The following ALK variants were observed in gnomAD, a reference collection of about 807,000 sequenced individuals.
ALK encodes ALK tyrosine kinase receptor.
ALK carries 74 observed loss-of-function variants against 163.1 expected under a neutral mutation model. The observed-to-expected ratio is 0.45, with a 90% CI of 0.38 to 0.55. The LOEUF is 0.55. ALK is among the 20% of genes least tolerant of loss of function. The pLI, the probability that ALK is intolerant of heterozygous loss-of-function variation, is 0.00. For missense variants in ALK, 2,063 were observed against 2,105.3 expected, an observed-to-expected ratio of 0.98 and a Z score of 0.39; for synonymous variants, 960 against 843.2, an observed-to-expected ratio of 1.14 and a Z score of -2.40.
At chr2:29,438,980 G>A (rs372476908) in intron 4 of ALK, among the ~76,000 whole-genome samples, 2 of 152,218 alleles carry the variant, frequency 1.3e-5, no homozygotes, top group South Asian at 4.1e-4. Flanking sequence ...CCCTGCCTGT[G>A]GGACTCCAAG....
chr2:29,785,912 TACACACACACACACACAC>T (rs10524599), intron 1 of ALK, among the ~76,000 whole-genome samples: 26,601 of 145,994 alleles, frequency 0.18, 2,626 homozygotes, highest in East Asian at 0.37. Flanking sequence ...TTTTTGAGTA[TACACACACACACACACAC>T]ACACACACAC....
intron 8 of ALK, among the ~76,000 whole-genome samples, 200 bp from the exon 9 acceptor site, chr2:29,297,257 G>GA (rs1416308090): frequency 2.0e-5 from 3 of 152,158 alleles, no homozygotes; most frequent in Admixed American, 1.3e-4. Context: ...ATAACTGAAC[G>GA]AATCTGTTAA....
intron 1 of ALK, among the ~76,000 whole-genome samples, chr2:29,808,674 G>T (rs765295664): frequency 2.0e-5 from 3 of 152,152 alleles, no homozygotes; most frequent in Non-Finnish European, 2.9e-5. Context: ...GGCCATGAAG[G>T]GTGGTGTCAG....
chr2:29,411,748 T>C (rs1441575379), intron 4 of ALK, among the ~76,000 whole-genome samples: 1 of 152,216 alleles, frequency 6.6e-6, no homozygotes, highest in Non-Finnish European at 1.5e-5. Flanking sequence ...AACAACTCAT[T>C]AGTCAATTCC....
chr2:29,837,517 C>T (rs1338832564), intron 1 of ALK, among the ~76,000 whole-genome samples: 1 of 152,160 alleles, frequency 6.6e-6, no homozygotes, highest in Non-Finnish European at 1.5e-5. Flanking sequence ...CCCATAACTG[C>T]AAGATACTGT....
chr2:29,905,202 T>C lies in ALK; in HGVS notation c.667+14791A>G, dbSNP rs538752937. ...AGGGTCATTTACCACTTCTACTCTA[T>C]TCTGATTTTTCACATTTTCTGTTTT... On this transcript the variant is annotated intron_variant, in intron 1 of 28. Transcript: ENST00000389048. Among the ~76,000 whole-genome samples the C allele has an allele frequency of 4.4e-4, 67 of 152,342 alleles. No homozygotes were observed. In the South Asian group the frequency reaches 6.6e-3, roughly 15 times the overall value.
chr2:29,385,155 A>G (rs1236172769), intron 4 of ALK, among the ~76,000 whole-genome samples: 3 of 149,942 alleles, frequency 2.0e-5, no homozygotes, highest in Non-Finnish European at 4.4e-5. Context: ...GGGCTTTGGT[A>G]TGGCAGTACA....
At chr2:29,782,229 G>T (rs1663841599) in intron 1 of ALK, among the ~76,000 whole-genome samples, 1 of 152,162 alleles carries the variant, frequency 6.6e-6, no homozygotes, top group Non-Finnish European at 1.5e-5. Context: ...GATTAGACAA[G>T]GATTCTCTGG....
intron 1 of ALK, among the ~76,000 whole-genome samples, chr2:29,833,896 T>C (rs1326853312): frequency 1.3e-5 from 2 of 152,168 alleles, no homozygotes; most frequent in Non-Finnish European, 2.9e-5. Context: ...AATTACATGA[T>C]TACTCGAGAT....
chr2:29,259,892 T>A (rs1661562507), intron 11 of ALK, among the ~76,000 whole-genome samples: 1 of 152,062 alleles, frequency 6.6e-6, no homozygotes, highest in African/African-American at 2.4e-5. Context: ...TCATGTATAT[T>A]CTAGTAAAGT....
chr2:29,344,521 G>A (rs1667891529), intron 5 of ALK, among the ~76,000 whole-genome samples: 1 of 152,132 alleles, frequency 6.6e-6, no homozygotes, highest in Admixed American at 6.5e-5. Flanking sequence ...AGTCCCAGTT[G>A]AGCTCAGCCC....
chr2:29,427,032 C>T (rs1161337458), intron 4 of ALK, among the ~76,000 whole-genome samples: 1 of 53,778 alleles, frequency 1.9e-5, no homozygotes, highest in Non-Finnish European at 3.2e-5. Context: ...AGCAAGACTC[C>T]GTCTCAAAAA....
intron 3 of ALK, among the ~76,000 whole-genome samples, chr2:29,578,565 G>C (rs1299976932): frequency 6.6e-6 from 1 of 152,182 alleles, no homozygotes; most frequent in East Asian, 1.9e-4. Flanking sequence ...GGGCCTGTTT[G>C]GGGGTAGGGG....
At chr2:29,587,908 T>C (rs1231866704) in intron 3 of ALK, among the ~76,000 whole-genome samples, 1 of 152,214 alleles carries the variant, frequency 6.6e-6, no homozygotes. Flanking sequence ...AGTAGAGCTC[T>C]GTAGCATGTG....
At chr2:29,742,012 G>C (rs187298657) in intron 1 of ALK, among the ~76,000 whole-genome samples, 1 of 152,252 alleles carries the variant, frequency 6.6e-6, no homozygotes, top group Non-Finnish European at 1.5e-5. Context: ...ACATCAGTGA[G>C]CATCTTGGCC....
chr2:29,625,308 G>C (rs1267107352), intron 3 of ALK, among the ~76,000 whole-genome samples: 4 of 152,172 alleles, frequency 2.6e-5, no homozygotes, highest in Non-Finnish European at 5.9e-5. Context: ...AATTCTGTTT[G>C]ACTTCAAGAC....
chr2:29,267,541 G>T (rs1665252765), intron 11 of ALK, among the ~76,000 whole-genome samples: 1 of 152,060 alleles, frequency 6.6e-6, no homozygotes, highest in South Asian at 2.1e-4. Flanking sequence ...GGCACTGGCT[G>T]GGCTGAGTTC....
At chr2:29,604,940 A>C (rs564782448) in intron 3 of ALK, among the ~76,000 whole-genome samples, 57 of 152,248 alleles carry the variant, frequency 3.7e-4, no homozygotes, top group African/African-American at 1.2e-3. Flanking sequence ...TCCTGTTGGG[A>C]TATTCTGACA....
intron 16 of ALK, 36 bp downstream of exon 16, chr2:29,228,848 G>A: frequency 7.1e-7 from 1 of 1,403,720 alleles, no homozygotes; most frequent in Non-Finnish European, 1.0e-6. Flanking sequence ...GACTAAGCAG[G>A]GAGGGAGTGA....
Sources: gnomAD v4.1 joint callset for allele counts (sites outside exome capture counted in the v4.1 genomes callset) on GRCh38, gnomAD v4.1.1 for gene constraint, MANE v1.5 for transcripts, NCBI Gene and HGNC (gene_info 2026-07-23, HGNC 2026-07-21) for gene names.